ASAP1: variants seen among roughly 807,000 people sequenced by gnomAD.
ASAP1 encodes the protein ArfGAP with SH3 domain, ankyrin repeat and PH domain 1.
In ASAP1, 43 loss-of-function variants were observed where a neutral mutation model predicts 145.2. That is an observed-to-expected ratio of 0.30 (90% CI 0.23 to 0.38). The LOEUF (loss-of-function observed/expected upper bound fraction) is 0.38, where lower values mean the gene tolerates loss of function less well. Among genes scored for constraint, ASAP1 ranks in the 10% least tolerant of loss-of-function variants. The probability of loss-of-function intolerance (pLI) is 1.00; values close to 1 mark genes in which losing one functional copy is unlikely to be tolerated. For synonymous variants in ASAP1, 546 were observed against 515.5 expected, an observed-to-expected ratio of 1.06 and a Z score of -0.80; for missense variants, 1,018 against 1,355.3, an observed-to-expected ratio of 0.75 and a Z score of 3.91.
intron 1 of ASAP1, among the ~76,000 whole-genome samples, chr8:130,414,761 T>C (rs1829405712): frequency 7.2e-6 from 1 of 138,434 alleles, no homozygotes; most frequent in Non-Finnish European, 1.5e-5. Context: ...CTATAACTCT[T>C]TTTTTTTTTT....
At chr8:130,077,071 G>T (rs781118134) in intron 26 of ASAP1, among the ~76,000 whole-genome samples, 2 of 152,228 alleles carry the variant, frequency 1.3e-5, no homozygotes, top group Admixed American at 1.3e-4. Flanking sequence ...GGGAATGGGG[G>T]TGTTGGCGGC....
chr8:130,118,037 T>C, intron 20 of ASAP1, 124 bp downstream of exon 20: 2 of 716,860 alleles, frequency 2.8e-6, no homozygotes, highest in South Asian at 4.5e-5. Flanking sequence ...CCAAAAATAA[T>C]TTTTATATCT....
chr8:130,131,312 T>C (rs1193893651), intron 15 of ASAP1, among the ~76,000 whole-genome samples: 2 of 152,074 alleles, frequency 1.3e-5, no homozygotes, highest in Non-Finnish European at 2.9e-5. Context: ...AACACTTTCA[T>C]ATGAAAAATA....
At chr8:130,425,412 G>C (rs1461279738) in intron 1 of ASAP1, among the ~76,000 whole-genome samples, 2 of 151,996 alleles carry the variant, frequency 1.3e-5, no homozygotes, top group Admixed American at 6.6e-5. Flanking sequence ...AACTGTTTGG[G>C]AGGCTGAGGT....
chr8:130,287,831 C>T (rs1271010448), intron 3 of ASAP1, among the ~76,000 whole-genome samples: 1 of 152,172 alleles, frequency 6.6e-6, no homozygotes, highest in Non-Finnish European at 1.5e-5. Context: ...CTCTATACCC[C>T]TAGCCCTTCC....
chr8:130,078,249 C>T (rs920526965), intron 26 of ASAP1, among the ~76,000 whole-genome samples: 1 of 152,178 alleles, frequency 6.6e-6, no homozygotes, highest in African/African-American at 2.4e-5. Context: ...CTTGGCCTCC[C>T]AAAGTGCTGG....
chr8:130,256,761 A>ATATATATATATATATATATATCCT (rs1219369965), intron 3 of ASAP1, among the ~76,000 whole-genome samples: 1 of 98,150 alleles, frequency 1.0e-5, no homozygotes, highest in African/African-American at 3.5e-5. Context: ...ATATATATAT[A>ATATATATATATATATATATATCCT]TATATATATA....
intron 9 of ASAP1, among the ~76,000 whole-genome samples, chr8:130,169,419 T>C (rs1813427988): frequency 6.6e-6 from 1 of 152,160 alleles, no homozygotes; most frequent in Non-Finnish European, 1.5e-5. Flanking sequence ...ATATTTGAAT[T>C]TGAAGGAGAG....
intron 1 of ASAP1, among the ~76,000 whole-genome samples, chr8:130,420,235 T>TAC (rs34138357): frequency 0.023 from 3,161 of 139,366 alleles, 39 homozygotes; most frequent in Middle Eastern, 0.049. Flanking sequence ...CATAATGAAA[T>TAC]ACACACACAC....
intron 5 of ASAP1, among the ~76,000 whole-genome samples, chr8:130,205,400 A>C (rs1395592299): frequency 6.6e-6 from 1 of 150,758 alleles, no homozygotes; most frequent in East Asian, 1.9e-4. Context: ...AAAAAAAAAA[A>C]CAAAAACCAT....
chr8:130,250,943 G>A (rs185149586), intron 3 of ASAP1, among the ~76,000 whole-genome samples: 7 of 152,212 alleles, frequency 4.6e-5, no homozygotes, highest in Middle Eastern at 3.4e-3. Context: ...CTGAATGCAC[G>A]TCAGGCTATC....
chr8:130,059,084 C>T lies in ASAP1; in HGVS notation c.3193-1008G>A, dbSNP rs562602424. On this transcript the variant is annotated intron_variant, in intron 28 of 29. Coordinates refer to ENST00000518721, the MANE Select transcript of ASAP1 (RefSeq NM_018482.4). ...TAGCAGAAGTATCCACCATCAGACACGGCAGCCTCCAACCTACAGGAAGAT... is the reference window on the plus strand; with the variant it reads ...TAGCAGAAGTATCCACCATCAGACATGGCAGCCTCCAACCTACAGGAAGAT... 8.3e-4 allele frequency among the ~76,000 whole-genome samples: 127 copies of T among 152,208 alleles called. 2 individuals are homozygous for T. The South Asian group carries it at 0.024, about 29-fold the overall frequency.
intron 16 of ASAP1, among the ~76,000 whole-genome samples, chr8:130,126,782 T>C (rs1035812556): frequency 1.3e-5 from 2 of 152,220 alleles, no homozygotes; most frequent in African/African-American, 4.8e-5. Flanking sequence ...AATCTGAGAC[T>C]TCTCTCTGAG....
intron 24 of ASAP1, among the ~76,000 whole-genome samples, chr8:130,093,730 T>C (rs1221237533): frequency 6.9e-6 from 1 of 145,276 alleles, no homozygotes; most frequent in Non-Finnish European, 1.5e-5. Context: ...TTAACACAGA[T>C]TAGTAGATAC....
chr8:130,349,610 C>T (rs1322614725), intron 3 of ASAP1, among the ~76,000 whole-genome samples: 1 of 152,206 alleles, frequency 6.6e-6, no homozygotes, highest in Non-Finnish European at 1.5e-5. Flanking sequence ...AAGAGAATTT[C>T]ACCCTCCTCA....
In ASAP1 at chr8:130,053,541, A is replaced by G. The variant is rs1462484063; in HGVS notation, c.*1190T>C. The G allele has an allele frequency of 6.6e-6, 1 of 152,244 alleles. No homozygotes were observed. The highest frequency in any genetic ancestry group is 2.4e-5 in the African/African-American group (1 of 41,462). The allele number at this position is 152,244 out of a possible 1,614,324, so 9.4% of individuals were successfully genotyped here. On this transcript the variant is annotated 3_prime_UTR_variant, in exon 30 of 30. Coordinates refer to ENST00000518721, the MANE Select transcript of ASAP1 (RefSeq NM_018482.4). The stretch of plus-strand genomic sequence containing the variant: ...GAAGGTGGACAGAGCTTAAGACTGG[A>G]AAAATTATCTATAATTGGGGTTTAA...
intron 27 of ASAP1, among the ~76,000 whole-genome samples, chr8:130,063,786 C>T (rs2097424343): frequency 2.0e-5 from 3 of 152,154 alleles, no homozygotes; most frequent in Admixed American, 1.3e-4. Flanking sequence ...CCATTCCACC[C>T]CTATTTGCTG....
chr8:130,400,212 G>A (rs1050124023), intron 2 of ASAP1, among the ~76,000 whole-genome samples: 5 of 152,138 alleles, frequency 3.3e-5, no homozygotes, highest in Non-Finnish European at 4.4e-5. Context: ...TTTCCACTAC[G>A]CGGACTTCTT....
At chr8:130,080,115 G>C in intron 25 of ASAP1, 144 bp from the exon 26 acceptor site, 1 of 703,654 alleles carries the variant, frequency 1.4e-6, no homozygotes, top group Non-Finnish European at 2.5e-6. Context: ...TGCATTTCTG[G>C]CCTAAGACCA....
Sources: gnomAD v4.1 joint callset for allele counts (sites outside exome capture counted in the v4.1 genomes callset) on GRCh38, gnomAD v4.1.1 for gene constraint, MANE v1.5 for transcripts, NCBI Gene and HGNC (gene_info 2026-07-23, HGNC 2026-07-21) for gene names.